The following ADARB2 variants were observed in gnomAD, a reference collection of about 807,000 sequenced individuals.
ADARB2 encodes the protein inactive double-stranded RNA-specific editase B2.
Under a neutral mutation model 62.2 loss-of-function variants are expected in ADARB2, and 25 were observed. That is an observed-to-expected ratio of 0.40 (90% CI 0.29 to 0.56). The LOEUF is 0.56. ADARB2 is among the 20% of genes least tolerant of loss of function. The pLI is 0.43. For synonymous variants in ADARB2, 572 were observed against 500.8 expected (o/e 1.14, Z -1.90); for missense variants, 1,071 against 1,077.4 (o/e 0.99, Z 0.08).
chr10:1,591,659 GCA>G (rs1255744378), intron 1 of ADARB2, among the ~76,000 whole-genome samples: 2,372 of 122,776 alleles, frequency 0.019, 64 homozygotes, highest in African/African-American at 0.058. Context: ...AGGCGTGCAC[GCA>G]CACACACACA....
chr10:1,439,579 C>T (rs201981126), intron 1 of ADARB2, among the ~76,000 whole-genome samples: 281 of 26,484 alleles, frequency 0.011, no homozygotes, highest in South Asian at 0.024. Flanking sequence ...CTATGGGGCT[C>T]CTGAGTCTCT....
intron 1 of ADARB2, among the ~76,000 whole-genome samples, chr10:1,435,581 T>C (rs1224889042): frequency 6.7e-6 from 1 of 148,590 alleles, no homozygotes; most frequent in Non-Finnish European, 1.5e-5. Context: ...TGCAGTGTCC[T>C]CTCATCCAAA....
At chr10:1,436,080 A>G (rs1317158688) in intron 1 of ADARB2, among the ~76,000 whole-genome samples, 1 of 152,074 alleles carries the variant, frequency 6.6e-6, no homozygotes, top group Non-Finnish European at 1.5e-5. Flanking sequence ...TTTGTAATAT[A>G]ACTTCATTTT....
chr10:1,462,442 T>C (rs1425061012), intron 1 of ADARB2, among the ~76,000 whole-genome samples: 3 of 152,240 alleles, frequency 2.0e-5, no homozygotes, highest in Non-Finnish European at 4.4e-5. Context: ...AGCCAGGCAA[T>C]GATGGTGACT....
chr10:1,641,369 T>C (rs1833976300), intron 1 of ADARB2, among the ~76,000 whole-genome samples: 1 of 152,244 alleles, frequency 6.6e-6, no homozygotes, highest in Non-Finnish European at 1.5e-5. Flanking sequence ...AGCTGCTTTA[T>C]TATAATTTCA....
At chr10:1,564,296 C>A (rs1832828206) in intron 1 of ADARB2, among the ~76,000 whole-genome samples, 1 of 152,190 alleles carries the variant, frequency 6.6e-6, no homozygotes, top group African/African-American at 2.4e-5. Context: ...AGACCTAAAA[C>A]CATAAAAACC....
intron 1 of ADARB2, among the ~76,000 whole-genome samples, chr10:1,543,411 G>C (rs1254155617): frequency 1.3e-5 from 2 of 152,240 alleles, no homozygotes; most frequent in Non-Finnish European, 2.9e-5. Flanking sequence ...CAACAAGCCT[G>C]TTATTCAGTA....
intron 1 of ADARB2, among the ~76,000 whole-genome samples, chr10:1,735,512 AT>A (rs1287469170): frequency 1.3e-5 from 2 of 152,206 alleles, no homozygotes; most frequent in African/African-American, 4.8e-5. Flanking sequence ...AAATGTGAAC[AT>A]TTCAAGTGTA....
intron 4 of ADARB2, among the ~76,000 whole-genome samples, chr10:1,256,869 T>C (rs578133541): frequency 6.6e-6 from 1 of 152,266 alleles, no homozygotes; most frequent in South Asian, 2.1e-4. Flanking sequence ...AAGGAACAAA[T>C]AGGAAACACC....
At chr10:1,466,358 C>G (rs893247223) in intron 1 of ADARB2, among the ~76,000 whole-genome samples, 2 of 152,200 alleles carry the variant, frequency 1.3e-5, no homozygotes, top group Non-Finnish European at 2.9e-5. Flanking sequence ...CCCTCCTGGC[C>G]CCTTGCATGT....
intron 1 of ADARB2, among the ~76,000 whole-genome samples, chr10:1,628,819 C>T (rs751763606): frequency 6.6e-6 from 1 of 152,268 alleles, no homozygotes; most frequent in Non-Finnish European, 1.5e-5. Flanking sequence ...CATTTGCTCA[C>T]GGCGGCCTCC....
chr10:1,525,812 T>A (rs1011477099), intron 1 of ADARB2, among the ~76,000 whole-genome samples: 2 of 152,064 alleles, frequency 1.3e-5, no homozygotes, highest in Non-Finnish European at 1.5e-5. Context: ...TATGTGAGCA[T>A]GTACGTGTGT....
chr10:1,196,921 T>C (rs888164367), intron 8 of ADARB2, among the ~76,000 whole-genome samples: 1 of 152,212 alleles, frequency 6.6e-6, no homozygotes, highest in Non-Finnish European at 1.5e-5. Context: ...TTTTAGATTG[T>C]TCTAGCAAGA....
rs576432233 is a variant in ADARB2, at chr10:1,259,396, C to T, written c.1192+11559G>A. ...GAAAAGATCAACAAAATTGATAGAC[C>T]TCTAGCAAGACTAATAAAGAAGAAA... On this transcript the variant is annotated intron_variant, in intron 4 of 9. Transcript: ENST00000381312. Among the ~76,000 whole-genome samples, 379 of 152,110 alleles carry T rather than the reference C, an allele frequency of 2.5e-3. 2 individuals are homozygous for T. Among genetic ancestry groups the T allele is most frequent in the African/African-American group, 8.6e-3 (355 of 41,476 alleles).
At chr10:1,359,228 A>G (rs1300828322) in intron 3 of ADARB2, among the ~76,000 whole-genome samples, 1 of 152,198 alleles carries the variant, frequency 6.6e-6, no homozygotes, top group Non-Finnish European at 1.5e-5. Flanking sequence ...GCACCTGAGC[A>G]GGCACTGCCC....
chr10:1,394,302 C>A (rs897682817), intron 1 of ADARB2, among the ~76,000 whole-genome samples: 1 of 152,162 alleles, frequency 6.6e-6, no homozygotes, highest in Admixed American at 6.5e-5. Context: ...TGTCCTTGTT[C>A]CTCTGATCCA....
chr10:1,309,833 C>T (rs548347548), intron 3 of ADARB2, among the ~76,000 whole-genome samples: 23 of 152,254 alleles, frequency 1.5e-4, no homozygotes, highest in Non-Finnish European at 2.8e-4. Flanking sequence ...GCTGCTCTCC[C>T]GGCCCCTATT....
intron 1 of ADARB2, among the ~76,000 whole-genome samples, chr10:1,688,708 G>A (rs528007960): frequency 6.6e-6 from 1 of 152,078 alleles, no homozygotes; most frequent in Non-Finnish European, 1.5e-5. Flanking sequence ...TAAACGTAAA[G>A]GGAACTCCTA....
intron 1 of ADARB2, among the ~76,000 whole-genome samples, chr10:1,557,304 C>G (rs1265898673): frequency 6.6e-6 from 1 of 152,104 alleles, no homozygotes; most frequent in African/African-American, 2.4e-5. Context: ...GTCAAGTGCA[C>G]CTGGACCTGG....
Sources: gnomAD v4.1 joint callset for allele counts (sites outside exome capture counted in the v4.1 genomes callset) on GRCh38, gnomAD v4.1.1 for gene constraint, MANE v1.5 for transcripts, NCBI Gene and HGNC (gene_info 2026-07-23, HGNC 2026-07-21) for gene names.